SUN2: variants seen among roughly 807,000 people sequenced by gnomAD.
SUN2 encodes SUN domain-containing protein 2.
SUN2 carries 60 observed loss-of-function variants against 100.0 expected under a neutral mutation model. The observed-to-expected ratio is 0.60, with a 90% CI of 0.49 to 0.74. The LOEUF is 0.74. Ranked by LOEUF, SUN2 falls within the 30% of genes least tolerant of loss-of-function variation. The pLI is 0.00. For missense variants in SUN2, 834 were observed against 954.6 expected (o/e 0.87, Z 1.66); for synonymous variants, 367 against 403.3 (o/e 0.91, Z 1.08).
chr22:38,745,709 G>A lies in SUN2; in HGVS notation c.788C>T (p.Ala263Val). The change falls in exon 8 of 18, where the codon GCC becomes GTC. Residue 263 changes from alanine to valine, a missense_variant. Ala to Val is a moderately conservative substitution (Grantham distance 64). Coordinates refer to ENST00000689035, the MANE Select transcript of SUN2 (RefSeq NM_015374.3). The part of the protein sequence containing the change: ...DSRRPDEGWE[A>V]RDSSPHFQAE... ...CTGGAAATGTGGCGATGAGTCTCTG[G>A]CTTCCCAGCCCTCATCCGGCCTCCT... 2 of 1,613,848 alleles carry A rather than the reference G, an allele frequency of 1.2e-6. No homozygotes were observed. The highest frequency in any genetic ancestry group is 2.2e-5 in the South Asian group (2 of 91,084).
chr22:38,745,771 G>C lies in SUN2; in HGVS notation c.726C>G (p.His242Gln). 1 of 1,614,118 alleles carries C rather than the reference G, an allele frequency of 6.2e-7. No homozygotes were observed. Among genetic ancestry groups the C allele is most frequent in the Non-Finnish European group, 8.5e-7 (1 of 1,180,020 alleles). ...CTGCCCACCAGGAAACCAAAGCAGG[G>C]TGGAATGTCTGCAGCCCATAGGGGT... ...YFYPYGLQTF[H>Q]PALVSWWAAK... The change falls in exon 8 of 18, where the codon CAC (histidine) becomes CAG (glutamine). Residue 242 changes from histidine (H) to glutamine (Q), a missense_variant. Around this residue, in one of 3 missense-constraint regions of SUN2, gnomAD observed 559 missense variants for 597.7 expected, o/e 0.94. Transcript: ENST00000689035.
Position 38,737,591 on chromosome 22 carries a change from C to T in SUN2, c.2040+582G>A, listed in dbSNP as rs1310418064. ...GCCTCTCTGTGGCCTCCTCTTCCTG[C>T]CACTGTCCCTCGTCCACCTCCCACT... is the stretch of plus-strand genomic sequence containing the variant. On this transcript the variant is annotated intron_variant, in intron 17 of 17. Transcript: ENST00000689035. The surrounding 1 kb of genome is among the most constrained non-coding windows in gnomAD (Gnocchi z 4.1). Among the ~76,000 whole-genome samples the T allele has an allele frequency of 6.6e-6, 1 of 152,168 alleles. No individual in the cohort carries two copies. Among genetic ancestry groups the T allele is most frequent in the Non-Finnish European group, 1.5e-5 (1 of 68,028 alleles).
In SUN2 at chr22:38,745,702, G is replaced by A. The variant is rs767868853; in HGVS notation, c.795C>T (p.Asp265=). The change falls in exon 8 of 18, where the codon GAC becomes GAT. Residue 265 remains aspartate (D), a synonymous_variant. Coordinates refer to ENST00000689035, the MANE Select transcript of SUN2 (RefSeq NM_015374.3). Reference sequence around the variant, plus strand: ...GACTCACCTGGAAATGTGGCGATGAGTCTCTGGCTTCCCAGCCCTCATCCG... The same window carrying A: ...GACTCACCTGGAAATGTGGCGATGAATCTCTGGCTTCCCAGCCCTCATCCG... ...RRPDEGWEAR[D]SSPHFQAEQR... is the part of the protein sequence containing the mutation. The A allele has an allele frequency of 6.2e-7, 1 of 1,613,804 alleles. No homozygotes were observed. Among genetic ancestry groups the A allele is most frequent in the East Asian group, 2.2e-5 (1 of 44,882 alleles).
chr22:38,736,216 G>T lies in SUN2; in HGVS notation c.*51C>A, dbSNP rs1445878573. The T allele has an allele frequency of 6.5e-7, 1 of 1,534,756 alleles. No individual in the cohort carries two copies. On this transcript the variant is annotated 3_prime_UTR_variant, in exon 18 of 18. Transcript: ENST00000689035. ...GCAAGCGTGTGGGGGAAGCGGCGGG[G>T]TGCTGTTCACCCACTCCCAGATGGC...
At chr22:38,745,455 A>G (rs2146022316) in intron 8 of SUN2, among the ~76,000 whole-genome samples, 1 of 152,368 alleles carries the variant, frequency 6.6e-6, no homozygotes, top group South Asian at 2.1e-4. Context: ...TCCTAGTCAT[A>G]GAAGGTGCCC....
rs778335481 is a variant in SUN2, at chr22:38,749,797, C to T, written c.583G>A (p.Ala195Thr). The part of the protein sequence containing the change: ...GTTWYRLTTA[A>T]SLLDVFVLTR... Reference sequence around the variant, plus strand: ...AAAACGAAGACGTCAAGGAGGGAGGCAGCTGTGGTCAGGCGGTACCAGGTG... The same window carrying T: ...AAAACGAAGACGTCAAGGAGGGAGGTAGCTGTGGTCAGGCGGTACCAGGTG... Residue 195 changes from alanine (A) to threonine (T), a missense_variant, in exon 6 of 18, where the codon GCC (alanine) becomes ACC (threonine). Ala to Thr is a moderately conservative substitution (Grantham distance 58). This residue lies in a region of SUN2 where 559 missense variants were observed against 597.7 expected (regional missense o/e 0.94). Coordinates refer to ENST00000689035, the MANE Select transcript of SUN2 (RefSeq NM_015374.3). The T allele has an allele frequency of 1.2e-6, 2 of 1,614,034 alleles. No homozygotes were observed. Among genetic ancestry groups the T allele is most frequent in the Non-Finnish European group, 1.7e-6 (2 of 1,180,040 alleles).
At position 38,737,907 on chromosome 22, in the gene SUN2, C is replaced by T; in HGVS notation, c.2040+266G>A. 1.5e-6 allele frequency: 1 copy of T among 656,096 alleles called. No homozygotes were observed. The highest frequency in any genetic ancestry group is 1.5e-5 in the South Asian group (1 of 66,200). 40.6% of individuals were successfully genotyped at this position (656,096 alleles called of 1,614,324 possible). A position where few individuals can be genotyped will look rare whatever the true frequency, so the allele number is the denominator to read the frequency against. ...TCCCGGCCTTCCTTTCCTGGCCACC[C>T]AACCCCTCTTGTGTAAAGCCCACCT... On this transcript the variant is annotated intron_variant, in intron 17 of 17. Transcript: ENST00000689035. The surrounding 1 kb of genome is among the most constrained non-coding windows in gnomAD (Gnocchi z 4.1).
intron 10 of SUN2, 137 bp from the exon 11 acceptor site, chr22:38,741,187 A>G: frequency 2.1e-6 from 2 of 955,226 alleles, no homozygotes; most frequent in South Asian, 2.8e-5. Context: ...AGCAAAAATC[A>G]AACTGGCCTC....
intron 7 of SUN2, 93 bp from the exon 8 acceptor site, chr22:38,745,904 T>C (rs2146026834): frequency 6.6e-7 from 1 of 1,522,350 alleles, no homozygotes; most frequent in Non-Finnish European, 8.8e-7. Context: ...CCAGTGCTTG[T>C]GGCCTGTCCC....
At position 38,738,586 on chromosome 22, in the gene SUN2, C is replaced by A; in HGVS notation, c.1947+1G>T. 6.2e-7 allele frequency: 1 copy of A among 1,612,124 alleles called. No individual in the cohort carries two copies. The highest frequency in any genetic ancestry group is 8.5e-7 in the Non-Finnish European group (1 of 1,178,704). ...GGCCCCACCACAGGACAGATACTCACAAAGATGGCGAAGTCCTTGGGGGCA... is the reference window on the plus strand; with the variant it reads ...GGCCCCACCACAGGACAGATACTCAAAAAGATGGCGAAGTCCTTGGGGGCA... On this transcript the variant is annotated splice_donor_variant, in intron 16 of 17. Transcript: ENST00000689035. LOFTEE classifies it high-confidence loss of function. This position sits in a 1 kb window ranked among gnomAD's most constrained non-coding sequence, Gnocchi z 6.6.
In SUN2 at chr22:38,735,286, C is replaced by T. The variant is rs897016503; in HGVS notation, c.*981G>A. 1.5e-5 allele frequency: 7 copies of T among 453,930 alleles called. No individual in the cohort carries two copies. Among genetic ancestry groups the T allele is most frequent in the African/African-American group, 6.0e-5 (3 of 49,828 alleles). 28.1% of individuals were successfully genotyped at this position (453,930 alleles called of 1,614,324 possible). ...CAAGAGCCCAAGGGGGCAGCCTGAG[C>T]GGACGACCCCTACATCAGGGCCTGG... On this transcript the variant is annotated 3_prime_UTR_variant, in exon 18 of 18. Transcript: ENST00000689035.
In SUN2 at chr22:38,755,920, C is replaced by T; in HGVS notation, c.-195G>A. 1 of 982,836 alleles carries T rather than the reference C, an allele frequency of 1.0e-6. No homozygotes were observed. The highest frequency in any genetic ancestry group is 1.2e-6 in the Non-Finnish European group (1 of 828,996). 60.9% of individuals were successfully genotyped at this position (982,836 alleles called of 1,614,324 possible). On this transcript the variant is annotated 5_prime_UTR_variant, in exon 1 of 18. Transcript: ENST00000689035. The surrounding 1 kb of genome is among the most constrained non-coding windows in gnomAD (Gnocchi z 5.7). ...CGCGCGGGCACGCGAAGAGCGGCGA[C>T]GCGGGACAAGGCGGGCGGGCGGACA...
Position 38,751,998 on chromosome 22 carries a change from G to T in SUN2, c.122+509C>A, listed in dbSNP as rs529142300. Among the ~76,000 whole-genome samples the T allele has an allele frequency of 3.9e-5, 6 of 152,266 alleles. No individual in the cohort carries two copies. The East Asian group carries it at 1.2e-3, about 29-fold the overall frequency. Reference sequence around the variant, plus strand: ...TTTTTTTCTTTTTGAGATTGAGATGGAGTTTCACTCTTGTCAACCCAGGCT... The same window carrying T: ...TTTTTTTCTTTTTGAGATTGAGATGTAGTTTCACTCTTGTCAACCCAGGCT... On this transcript the variant is annotated intron_variant, in intron 2 of 17. Coordinates refer to ENST00000689035, the MANE Select transcript of SUN2 (RefSeq NM_015374.3).
Position 38,751,313 on chromosome 22 carries a change from C to T in SUN2, c.183G>A (p.Pro61=), listed in dbSNP as rs146963771. ...KRLSPAPQLG[P]SSDAHTSYYS... ...AGTAGGAGGTGTGTGCATCAGAGGA[C>T]GGGCCCAGCTGTGGCGCTGGGGACA... The change falls in exon 3 of 18, where the codon CCG becomes CCA. Residue 61 remains proline (P), a synonymous_variant. Transcript: ENST00000689035. 25 of 1,614,026 alleles carry T rather than the reference C, an allele frequency of 1.5e-5. No individual in the cohort carries two copies. In the African/African-American group the frequency reaches 2.4e-4, roughly 16 times the overall value.
Position 38,740,169 on chromosome 22 carries a change from G to A in SUN2, c.1356+98C>T. ...GCCACAGTCTCTTGGGCATAACAGA[G>A]GCTGCAGGGGCAAGGGGTGCTGCTT... On this transcript the variant is annotated intron_variant, in intron 12 of 17. Coordinates refer to ENST00000689035, the MANE Select transcript of SUN2 (RefSeq NM_015374.3). The surrounding 1 kb of genome is among the most constrained non-coding windows in gnomAD (Gnocchi z 4.8). 1 of 1,405,704 alleles carries A rather than the reference G, an allele frequency of 7.1e-7. No individual in the cohort carries two copies. The highest frequency in any genetic ancestry group is 2.5e-5 in the East Asian group (1 of 39,968). 87.1% of individuals were successfully genotyped at this position (1,405,704 alleles called of 1,614,324 possible).
At chr22:38,744,130 C>T (rs1182223333) in intron 8 of SUN2, among the ~76,000 whole-genome samples, 1 of 152,070 alleles carries the variant, frequency 6.6e-6, no homozygotes, top group African/African-American at 2.4e-5. Context: ...GTCCCAGCTA[C>T]TCGGGACGCT....
rs2092847691 is a variant in SUN2, at chr22:38,740,536, G to C, written c.1191-104C>G. On this transcript the variant is annotated intron_variant, in intron 11 of 17. Transcript: ENST00000689035. The surrounding 1 kb of genome is among the most constrained non-coding windows in gnomAD (Gnocchi z 4.8). ...CCTAGTGGGCTCCCGTCAGGAGAGC[G>C]GGTGCCCAGCACTCATTGTGAACCT... 47 of 1,283,744 alleles carry C rather than the reference G, an allele frequency of 3.7e-5. 1 individual carries two copies. The South Asian group carries it at 7.7e-4, about 21-fold the overall frequency. The allele number at this position is 1,283,744 out of a possible 1,614,324, so 79.5% of individuals were successfully genotyped here. A position where few individuals can be genotyped will look rare whatever the true frequency, so the allele number is the denominator to read the frequency against.
Position 38,751,037 on chromosome 22 carries a change from T to C in SUN2, c.287-2A>G. 6.2e-7 allele frequency: 1 copy of C among 1,612,740 alleles called. No homozygotes were observed. Among genetic ancestry groups the C allele is most frequent in the Non-Finnish European group, 8.5e-7 (1 of 1,179,444 alleles). ...TCCTCCGCACCCGCAGGTCCTCACCTGTGCAGGGAAGAACCAGGGGCTCTT... is the reference window on the plus strand; with the variant it reads ...TCCTCCGCACCCGCAGGTCCTCACCCGTGCAGGGAAGAACCAGGGGCTCTT... On this transcript the variant is annotated splice_acceptor_variant, in intron 3 of 17. Coordinates refer to ENST00000689035, the MANE Select transcript of SUN2 (RefSeq NM_015374.3). LOFTEE classifies it high-confidence loss of function.
At position 38,738,810 on chromosome 22, in the gene SUN2, C is replaced by G; in HGVS notation, c.1780-56G>C. 5 of 1,600,294 alleles carry G rather than the reference C, an allele frequency of 3.1e-6. No individual in the cohort carries two copies. The highest frequency in any genetic ancestry group is 4.3e-6 in the Non-Finnish European group (5 of 1,171,114). ...GGCCCTGAGTCCAGCTCTTGCTGAC[C>G]CCAGATGGGACCAGCCCTCAGTGTG... On this transcript the variant is annotated intron_variant, in intron 15 of 17. Transcript: ENST00000689035. The surrounding 1 kb of genome is among the most constrained non-coding windows in gnomAD (Gnocchi z 6.6).
Sources: gnomAD v4.1 joint callset for allele counts (sites outside exome capture counted in the v4.1 genomes callset) on GRCh38, gnomAD v4.1.1 for gene constraint, gnomAD v4.1.1 regional missense constraint, Gnocchi (gnomAD v3.1) non-coding constraint, MANE v1.5 for transcripts, NCBI Gene and HGNC (gene_info 2026-07-23, HGNC 2026-07-21) for gene names.